KDM7A: variants seen among roughly 807,000 people sequenced by gnomAD.
KDM7A encodes lysine-specific demethylase 7A.
In KDM7A, 28 loss-of-function variants were observed where a neutral mutation model predicts 114.8. The observed-to-expected ratio is 0.24, with a 90% CI of 0.18 to 0.33. KDM7A has a LOEUF of 0.33. Among genes scored for constraint, KDM7A ranks in the 10% least tolerant of loss-of-function variants. The pLI, the probability that KDM7A is intolerant of heterozygous loss-of-function variation, is 1.00. For missense variants in KDM7A, 942 were observed against 1,142.5 expected, an observed-to-expected ratio of 0.82 and a Z score of 2.53; for synonymous variants, 423 against 397.8, an observed-to-expected ratio of 1.06 and a Z score of -0.75.
intron 10 of KDM7A, among the ~76,000 whole-genome samples, chr7:140,112,707 T>TA (rs1388646257): frequency 6.6e-6 from 1 of 152,130 alleles, no homozygotes; most frequent in Non-Finnish European, 1.5e-5. Context: ...TCCATGGAGT[T>TA]ATAATAAAGA....
chr7:140,094,009 A>C, intron 18 of KDM7A, 47 bp downstream of exon 18: 2 of 1,116,568 alleles, frequency 1.8e-6, no homozygotes, highest in Non-Finnish European at 2.7e-6. Context: ...AAACAACGTT[A>C]ATGATCATTT....
chr7:140,120,104 A>G (rs887478614), intron 8 of KDM7A, among the ~76,000 whole-genome samples: 4 of 152,218 alleles, frequency 2.6e-5, no homozygotes, highest in South Asian at 2.1e-4. Context: ...TTCTAGCACC[A>G]TATGTCACAT....
At chr7:140,120,680 TTTAA>T in intron 7 of KDM7A, 151 bp from the exon 8 acceptor site, 1 of 544,498 alleles carries the variant, frequency 1.8e-6, no homozygotes, top group Non-Finnish European at 3.3e-6. Context: ...AATCTATAGA[TTTAA>T]TTATTTATTA....
At chr7:140,111,205 A>G in intron 10 of KDM7A, 21 bp from the exon 11 acceptor site, 1 of 1,496,128 alleles carries the variant, frequency 6.7e-7, no homozygotes, top group Non-Finnish European at 9.2e-7. Flanking sequence ...ATTAACAAAA[A>G]TAAGAAAACC....
intron 1 of KDM7A, among the ~76,000 whole-genome samples, chr7:140,170,574 A>G (rs1189864252): frequency 2.0e-5 from 3 of 152,236 alleles, no homozygotes; most frequent in Non-Finnish European, 4.4e-5. Context: ...CCTAACTCTC[A>G]GATTCCTCAT....
chr7:140,116,629 A>C (rs1818533789), intron 9 of KDM7A, among the ~76,000 whole-genome samples: 1 of 152,088 alleles, frequency 6.6e-6, no homozygotes, highest in Admixed American at 6.5e-5. Flanking sequence ...CTTATTCTTT[A>C]CACGGTATGA....
At chr7:140,100,119 T>C (rs1818177717) in intron 12 of KDM7A, 96 bp from the exon 13 acceptor site, 1 of 1,343,446 alleles carries the variant, frequency 7.4e-7, no homozygotes, top group South Asian at 1.3e-5. Flanking sequence ...CCCATGGTCC[T>C]GCATCTCAAA....
chr7:140,120,953 G>A (rs1489862338), intron 7 of KDM7A, among the ~76,000 whole-genome samples: 2 of 152,098 alleles, frequency 1.3e-5, no homozygotes, highest in African/African-American at 4.8e-5. Flanking sequence ...TTATATTAAA[G>A]ATTTTACTCT....
intron 1 of KDM7A, among the ~76,000 whole-genome samples, chr7:140,157,102 A>G (rs555821018): frequency 3.2e-4 from 49 of 152,272 alleles, no homozygotes; most frequent in Non-Finnish European, 5.0e-4. Context: ...ATTACTGAAC[A>G]AAGATCAAGG....
intron 11 of KDM7A, among the ~76,000 whole-genome samples, chr7:140,106,354 C>T (rs533728643): frequency 2.6e-5 from 4 of 152,162 alleles, no homozygotes; most frequent in Admixed American, 6.5e-5. Flanking sequence ...GCTCTTGCTT[C>T]TCTAGTTCTT....
intron 10 of KDM7A, among the ~76,000 whole-genome samples, chr7:140,111,557 G>C (rs1462077517): frequency 1.3e-5 from 2 of 152,180 alleles, no homozygotes. Context: ...GGAGAACACA[G>C]ACACTAACGT....
rs1396829588 is a variant in KDM7A, at chr7:140,088,150, T to A, written c.*2944A>T. ...GGGCTTGTTTCCTCTGAGTTTATGA[T>A]TTCAGTCAGAATCTTCAATTCTGTA... is the stretch of plus-strand genomic sequence containing the variant. On this transcript the variant is annotated 3_prime_UTR_variant, in exon 20 of 20. Coordinates refer to ENST00000397560, the MANE Select transcript of KDM7A (RefSeq NM_030647.2). 5.2e-6 allele frequency: 1 copy of A among 192,920 alleles called. No homozygotes were observed. Among genetic ancestry groups the A allele is most frequent in the Non-Finnish European group, 1.0e-5 (1 of 95,524 alleles). The allele number at this position is 192,920 out of a possible 1,614,324, so 12.0% of individuals were successfully genotyped here.
At chr7:140,160,946 T>C (rs983487704) in intron 1 of KDM7A, among the ~76,000 whole-genome samples, 3 of 152,080 alleles carry the variant, frequency 2.0e-5, no homozygotes, top group Non-Finnish European at 2.9e-5. Flanking sequence ...AAAGAAAACT[T>C]TGATCCTTTG....
At chr7:140,152,308 A>G (rs969847342) in intron 1 of KDM7A, among the ~76,000 whole-genome samples, 3 of 152,168 alleles carry the variant, frequency 2.0e-5, no homozygotes, top group African/African-American at 7.2e-5. Context: ...GGAAATTTAT[A>G]TATGACCCAG....
intron 1 of KDM7A, among the ~76,000 whole-genome samples, chr7:140,144,071 T>C (rs1794313642): frequency 6.6e-6 from 1 of 152,192 alleles, no homozygotes. Flanking sequence ...AAAGAAAAGG[T>C]TAAGAATCAC....
At chr7:140,141,497 G>T (rs558861181) in intron 1 of KDM7A, among the ~76,000 whole-genome samples, 27 of 152,082 alleles carry the variant, frequency 1.8e-4, no homozygotes, top group African/African-American at 6.3e-4. Flanking sequence ...CAGGAGGCAC[G>T]GAAGAGCACA....
In KDM7A at chr7:140,176,024, T is replaced by A. The variant is rs1175531003; in HGVS notation, c.194+720A>T. ...CGGGGGCCCAGGACCGCGACCCGGG[T>A]CAACCTGCCGCCCGCCGGGGGCCCG... On this transcript the variant is annotated intron_variant, in intron 1 of 19. Coordinates refer to ENST00000397560, the MANE Select transcript of KDM7A (RefSeq NM_030647.2). This position sits in a 1 kb window ranked among gnomAD's most constrained non-coding sequence, Gnocchi z 4.4. Among the ~76,000 whole-genome samples, 1 of 151,476 alleles carries A rather than the reference T, an allele frequency of 6.6e-6. No homozygotes were observed. The highest frequency in any genetic ancestry group is 1.5e-5 in the Non-Finnish European group (1 of 67,866).
intron 1 of KDM7A, among the ~76,000 whole-genome samples, chr7:140,175,926 G>T (rs1275784019): frequency 6.6e-6 from 1 of 151,842 alleles, no homozygotes; most frequent in African/African-American, 2.4e-5. Flanking sequence ...AACGCAGGGG[G>T]TCCGGAGAAG....
rs1176895134 is a variant in KDM7A, at chr7:140,085,752, A to G, written c.*5342T>C. On this transcript the variant is annotated 3_prime_UTR_variant, in exon 20 of 20. Transcript: ENST00000397560. ...GCAAGATAAAATAACCTTGGGGTTC[A>G]CTTAGTAAGTTACACCTCAGGTCCC... 1 of 152,228 alleles carries G rather than the reference A, an allele frequency of 6.6e-6. No homozygotes were observed. The highest frequency in any genetic ancestry group is 1.5e-5 in the Non-Finnish European group (1 of 68,036). 9.4% of individuals were successfully genotyped at this position (152,228 alleles called of 1,614,324 possible).
Sources: gnomAD v4.1 joint callset for allele counts (sites outside exome capture counted in the v4.1 genomes callset) on GRCh38, gnomAD v4.1.1 for gene constraint, Gnocchi (gnomAD v3.1) non-coding constraint, MANE v1.5 for transcripts, NCBI Gene and HGNC (gene_info 2026-07-23, HGNC 2026-07-21) for gene names.